CAPZB: variants seen among roughly 807,000 people sequenced by gnomAD.
The protein encoded by CAPZB is capping actin protein of muscle Z-line subunit beta.
In CAPZB, 2 loss-of-function variants were observed where a neutral mutation model predicts 38.1. That is an observed-to-expected ratio of 0.05 (90% CI 0.02 to 0.17). CAPZB has a LOEUF of 0.17. Among genes scored for constraint, CAPZB ranks in the 10% least tolerant of loss-of-function variants. The probability of loss-of-function intolerance (pLI) is 1.00; values close to 1 mark genes in which losing one functional copy is unlikely to be tolerated. For missense variants in CAPZB, 161 were observed against 334.2 expected (o/e 0.48, Z 4.04); for synonymous variants, 107 against 127.4 (o/e 0.84, Z 1.08).
chr1:19,405,213 A>G (rs1473459888), intron 2 of CAPZB, among the ~76,000 whole-genome samples: 1 of 152,078 alleles, frequency 6.6e-6, no homozygotes, highest in African/African-American at 2.4e-5. Flanking sequence ...TTGGTTCATT[A>G]TCTCATATTT....
intron 2 of CAPZB, among the ~76,000 whole-genome samples, chr1:19,408,721 C>T (rs1006134422): frequency 3.9e-5 from 6 of 152,200 alleles, no homozygotes; most frequent in Admixed American, 6.5e-5. Context: ...GCCTGCACTT[C>T]GCAGAGTGGG....
At chr1:19,396,038 G>A (rs563495639) in intron 2 of CAPZB, among the ~76,000 whole-genome samples, 2 of 152,298 alleles carry the variant, frequency 1.3e-5, no homozygotes, top group African/African-American at 4.8e-5. Context: ...CATCCTTCAG[G>A]GTCTGATTCG....
intron 2 of CAPZB, among the ~76,000 whole-genome samples, chr1:19,399,101 G>T (rs566612773): frequency 2.6e-5 from 4 of 151,934 alleles, no homozygotes; most frequent in African/African-American, 9.7e-5. Context: ...CAAGTGATCC[G>T]CCTGTCTTGC....
At chr1:19,363,195 C>A (rs946592567) in intron 4 of CAPZB, among the ~76,000 whole-genome samples, 1 of 151,788 alleles carries the variant, frequency 6.6e-6, no homozygotes, top group Middle Eastern at 3.4e-3. Flanking sequence ...GATCCTCCTT[C>A]CCCAGCCTCC....
intron 3 of CAPZB, among the ~76,000 whole-genome samples, chr1:19,383,965 C>G (rs1243038406): frequency 1.3e-5 from 2 of 152,144 alleles, no homozygotes; most frequent in Non-Finnish European, 2.9e-5. Flanking sequence ...CATTTCAACT[C>G]TAGTCTGTGG....
At position 19,384,997 on chromosome 1, in the gene CAPZB, G is replaced by C. The variant is rs377431640; in HGVS notation, c.215+508C>G. ...ACCTGGTGATCAGACACCCAGGGCA[G>C]GGACTAATGTCAACTTAGTTATTTA... On this transcript the variant is annotated intron_variant, in intron 3 of 8. Transcript: ENST00000264202. Among the ~76,000 whole-genome samples, 427 of 152,240 alleles carry C rather than the reference G, an allele frequency of 2.8e-3. 2 individuals are homozygous for C. Among genetic ancestry groups the C allele is most frequent in the South Asian group, 0.026 (124 of 4,826 alleles).
chr1:19,391,476 C>T (rs1367888803), intron 2 of CAPZB, among the ~76,000 whole-genome samples: 1 of 152,166 alleles, frequency 6.6e-6, no homozygotes, highest in Non-Finnish European at 1.5e-5. Flanking sequence ...TCAGAGGAAA[C>T]TGCCACGCCA....
intron 1 of CAPZB, among the ~76,000 whole-genome samples, chr1:19,462,975 A>G (rs1320153502): frequency 6.6e-6 from 1 of 152,198 alleles, no homozygotes; most frequent in Non-Finnish European, 1.5e-5. Flanking sequence ...GATATAGAAC[A>G]TTTCCATCAT....
At chr1:19,482,178 G>A (rs896083421) in intron 1 of CAPZB, among the ~76,000 whole-genome samples, 1 of 152,154 alleles carries the variant, frequency 6.6e-6, no homozygotes, top group Admixed American at 6.6e-5. Context: ...TTATAAATAG[G>A]AGCATCTGCT....
chr1:19,478,305 A>G (rs1197311651), intron 1 of CAPZB, among the ~76,000 whole-genome samples: 1 of 152,188 alleles, frequency 6.6e-6, no homozygotes, highest in African/African-American at 2.4e-5. Flanking sequence ...CCTATCATCC[A>G]TCCATGTTAA....
intron 1 of CAPZB, among the ~76,000 whole-genome samples, chr1:19,475,372 AG>A (rs2094603296): frequency 1.3e-5 from 2 of 152,162 alleles, no homozygotes; most frequent in Admixed American, 1.3e-4. Context: ...GGGATCACAT[AG>A]AAACTCCAAG....
At chr1:19,353,872 T>G (rs2094005476) in intron 6 of CAPZB, among the ~76,000 whole-genome samples, 1 of 152,232 alleles carries the variant, frequency 6.6e-6, no homozygotes, top group Non-Finnish European at 1.5e-5. Flanking sequence ...CGTGTGCGGC[T>G]CTGCAGGGTT....
intron 3 of CAPZB, among the ~76,000 whole-genome samples, chr1:19,382,591 C>T (rs923346898): frequency 6.6e-6 from 1 of 152,036 alleles, no homozygotes; most frequent in Admixed American, 6.5e-5. Context: ...GCCTCCACAC[C>T]CCAGGCTCCT....
At chr1:19,387,255 A>G (rs1316800071) in intron 2 of CAPZB, among the ~76,000 whole-genome samples, 17 of 152,164 alleles carry the variant, frequency 1.1e-4, no homozygotes, top group Admixed American at 7.9e-4. Context: ...CAAAGTCCCT[A>G]CTCCTCCTAC....
intron 1 of CAPZB, among the ~76,000 whole-genome samples, chr1:19,439,147 G>A (rs2094467709): frequency 1.3e-5 from 2 of 152,124 alleles, no homozygotes; most frequent in African/African-American, 4.8e-5. Context: ...GGCTTGGGCT[G>A]GCCCATCTGA....
intron 1 of CAPZB, among the ~76,000 whole-genome samples, chr1:19,481,812 T>C (rs1481836773): frequency 1.3e-5 from 2 of 152,292 alleles, no homozygotes; most frequent in Admixed American, 1.3e-4. Context: ...CCATAGCTCA[T>C]GCAGATGTGC....
intron 2 of CAPZB, among the ~76,000 whole-genome samples, chr1:19,397,396 G>A (rs2094277301): frequency 6.6e-6 from 1 of 152,210 alleles, no homozygotes; most frequent in Admixed American, 6.5e-5. Flanking sequence ...GTGAAAAAAA[G>A]AGGCACAGGT....
At chr1:19,404,062 G>A (rs774358559) in intron 2 of CAPZB, among the ~76,000 whole-genome samples, 37 of 151,076 alleles carry the variant, frequency 2.4e-4, no homozygotes, top group Non-Finnish European at 4.3e-4. Flanking sequence ...GTGAAATCTC[G>A]TCTCTACTAA....
intron 6 of CAPZB, among the ~76,000 whole-genome samples, chr1:19,348,494 G>A (rs1397367354): frequency 3.9e-5 from 6 of 152,054 alleles, no homozygotes; most frequent in African/African-American, 7.2e-5. Context: ...CAGGCCTGGC[G>A]GTGGTGGGTG....
Sources: allele counts gnomAD v4.1 joint callset (sites outside exome capture counted in the v4.1 genomes callset), GRCh38; gene constraint gnomAD v4.1.1; transcripts MANE v1.5; gene names NCBI Gene and HGNC (gene_info 2026-07-23, HGNC 2026-07-21).